Variants in ADAM12 observed in about 807,000 individuals in gnomAD.
The protein encoded by ADAM12 is disintegrin and metalloproteinase domain-containing protein 12.
ADAM12 carries 70 observed loss-of-function variants against 106.4 expected under a neutral mutation model. That is an observed-to-expected ratio of 0.66 (90% CI 0.54 to 0.80). The LOEUF (loss-of-function observed/expected upper bound fraction) is 0.80. ADAM12 is among the 30% of genes least tolerant of loss of function. ADAM12 has a pLI of 0.00. For synonymous variants in ADAM12, 420 were observed against 433.5 expected (o/e 0.97, Z 0.39); for missense variants, 1,010 against 1,171.9 (o/e 0.86, Z 2.02).
chr10:126,047,257 T>C (rs1020294048), intron 16 of ADAM12, among the ~76,000 whole-genome samples: 8 of 151,976 alleles, frequency 5.3e-5, no homozygotes, highest in South Asian at 4.1e-4. Context: ...ATTGAGGAGG[T>C]CACCATCCGA....
At chr10:126,232,619 T>G (rs938415755) in intron 3 of ADAM12, among the ~76,000 whole-genome samples, 2 of 152,194 alleles carry the variant, frequency 1.3e-5, no homozygotes. Flanking sequence ...AACTGACACC[T>G]GCACTGTCCC....
At chr10:126,155,648 T>C (rs1248474962) in intron 3 of ADAM12, among the ~76,000 whole-genome samples, 1 of 152,160 alleles carries the variant, frequency 6.6e-6, no homozygotes, top group Non-Finnish European at 1.5e-5. Flanking sequence ...TACTCTTCCA[T>C]GAATAGTACA....
At chr10:126,071,905 C>CT (rs1955002539) in intron 11 of ADAM12, among the ~76,000 whole-genome samples, 1 of 152,182 alleles carries the variant, frequency 6.6e-6, no homozygotes, top group Non-Finnish European at 1.5e-5. Flanking sequence ...AAGAAATGAT[C>CT]TTTCGATGGT....
At chr10:126,042,182 G>T in intron 18 of ADAM12, 1 of 1,613,770 alleles carries the variant, frequency 6.2e-7, no homozygotes. Flanking sequence ...GATCCCACGG[G>T]CTCCTGGCCC....
At chr10:126,213,092 T>C (rs1354194836) in intron 3 of ADAM12, among the ~76,000 whole-genome samples, 1 of 152,152 alleles carries the variant, frequency 6.6e-6, no homozygotes, top group African/African-American at 2.4e-5. Flanking sequence ...TCCTGTCGTA[T>C]CCAGCACAGT....
At chr10:126,135,992 T>C (rs1956398558) in intron 4 of ADAM12, among the ~76,000 whole-genome samples, 1 of 152,168 alleles carries the variant, frequency 6.6e-6, no homozygotes, top group African/African-American at 2.4e-5. Flanking sequence ...TTTACCCTCA[T>C]GTAAATTGTC....
At chr10:126,180,968 T>C (rs893772566) in intron 3 of ADAM12, among the ~76,000 whole-genome samples, 1 of 152,182 alleles carries the variant, frequency 6.6e-6, no homozygotes, top group Non-Finnish European at 1.5e-5. Flanking sequence ...GCCTGATAAT[T>C]TCAACAGTCA....
intron 6 of ADAM12, among the ~76,000 whole-genome samples, chr10:126,116,581 C>T (rs1955987620): frequency 6.6e-6 from 1 of 152,058 alleles, no homozygotes; most frequent in African/African-American, 2.4e-5. Flanking sequence ...CACCAAGCAG[C>T]CATGTCAAGG....
rs75881193 is a variant in ADAM12, at chr10:126,275,060, T to C, written c.260+3855A>G. Among the ~76,000 whole-genome samples, 8 of 152,316 alleles carry C rather than the reference T, an allele frequency of 5.3e-5. No individual in the cohort carries two copies. The East Asian group carries it at 1.5e-3, about 29-fold the overall frequency. ...AGAGATACCCCAAACATAAATTCAA[T>C]GGGCTATGGACTTCCCATGGCAAGT... On this transcript the variant is annotated intron_variant, in intron 3 of 22. Coordinates refer to ENST00000448723, the MANE Select transcript of ADAM12 (RefSeq NM_001288973.2).
At chr10:126,346,642 A>G (rs1855151985) in intron 1 of ADAM12, among the ~76,000 whole-genome samples, 2 of 151,958 alleles carry the variant, frequency 1.3e-5, no homozygotes, top group African/African-American at 4.8e-5. Context: ...TCCCATTATT[A>G]TTGTGTGGAA....
Position 126,064,916 on chromosome 10 carries a change from G to A in ADAM12, c.1499C>T (p.Pro500Leu). 6.2e-7 allele frequency: 1 copy of A among 1,613,148 alleles called. No homozygotes were observed. The change falls in exon 14 of 23, where the codon CCA becomes CTA. Residue 500 changes from proline to leucine, a missense_variant. Coordinates refer to ENST00000448723, the MANE Select transcript of ADAM12 (RefSeq NM_001288973.2). The surrounding 1 kb of genome is among the most constrained non-coding windows in gnomAD (Gnocchi z 4.4). ...EFCTGASPHC[P>L]ANVYLHDGHS... is the part of the protein sequence containing the mutation. ...CCCATCGTGCAGGTACACGTTGGCTGGGCAGTGAGGGCTGGCCCCTGTGCA... is the reference window on the plus strand; with the variant it reads ...CCCATCGTGCAGGTACACGTTGGCTAGGCAGTGAGGGCTGGCCCCTGTGCA...
chr10:126,061,208 A>G (rs1954749262), intron 14 of ADAM12, among the ~76,000 whole-genome samples: 1 of 152,196 alleles, frequency 6.6e-6, no homozygotes, highest in African/African-American at 2.4e-5. Context: ...TCACTAGTCT[A>G]AGCTTCCTGG....
At chr10:126,127,972 C>T (rs2133654085) in intron 5 of ADAM12, among the ~76,000 whole-genome samples, 1 of 152,118 alleles carries the variant, frequency 6.6e-6, no homozygotes, top group African/African-American at 2.4e-5. Flanking sequence ...AGGGTGGTTT[C>T]CTCAGGAAGG....
At chr10:126,305,019 T>C (rs933137182) in intron 2 of ADAM12, among the ~76,000 whole-genome samples, 3 of 152,042 alleles carry the variant, frequency 2.0e-5, no homozygotes, top group Non-Finnish European at 2.9e-5. Flanking sequence ...AACACATATA[T>C]ATTTCTGGCG....
At chr10:126,138,580 T>A (rs1956449913) in intron 4 of ADAM12, among the ~76,000 whole-genome samples, 1 of 152,174 alleles carries the variant, frequency 6.6e-6, no homozygotes, top group South Asian at 2.1e-4. Flanking sequence ...TTCACCATAT[T>A]GGCCAGGCTG....
intron 3 of ADAM12, among the ~76,000 whole-genome samples, chr10:126,210,312 T>C (rs1957876360): frequency 6.6e-6 from 1 of 152,200 alleles, no homozygotes; most frequent in Non-Finnish European, 1.5e-5. Flanking sequence ...TTATAAATGT[T>C]ATTGCATCTA....
chr10:126,208,569 G>C (rs1565139255), intron 3 of ADAM12, among the ~76,000 whole-genome samples: 1 of 152,168 alleles, frequency 6.6e-6, no homozygotes, highest in Non-Finnish European at 1.5e-5. Context: ...ATAAATAAAA[G>C]TAGGATTTAT....
chr10:126,048,022 A>T (rs920546175), intron 16 of ADAM12, among the ~76,000 whole-genome samples: 1 of 152,224 alleles, frequency 6.6e-6, no homozygotes, highest in Admixed American at 6.5e-5. Context: ...GGCTGTTTTC[A>T]TAAGCAAATT....
At chr10:126,041,794 C>G in intron 18 of ADAM12, 1 of 1,124,072 alleles carries the variant, frequency 8.9e-7, no homozygotes, top group Non-Finnish European at 1.1e-6. Flanking sequence ...GCTGTGGAGG[C>G]TCAGTGAAAG....
Sources: allele counts gnomAD v4.1 joint callset (sites outside exome capture counted in the v4.1 genomes callset), GRCh38; gene constraint gnomAD v4.1.1; non-coding constraint Gnocchi (gnomAD v3.1); transcripts MANE v1.5; gene names NCBI Gene and HGNC (gene_info 2026-07-23, HGNC 2026-07-21).